Variants in AFF3 observed in about 807,000 individuals in gnomAD.
AFF3 encodes the protein ALF transcription elongation factor 3, also known as AF4/FMR2 family member 3.
A neutral mutation model predicts 129.7 loss-of-function variants in AFF3; 32 were observed. The ratio of observed to expected loss-of-function variants is 0.25; its 90% CI spans 0.19 to 0.33. AFF3 has a LOEUF of 0.33. Ranked by LOEUF, AFF3 falls within the 10% of genes least tolerant of loss-of-function variation. The pLI, the probability that AFF3 is intolerant of heterozygous loss-of-function variation, is 1.00. For synonymous variants in AFF3, 644 were observed against 635.4 expected (o/e 1.01, Z -0.20); for missense variants, 1,373 against 1,592.0 (o/e 0.86, Z 2.34).
intron 4 of AFF3, among the ~76,000 whole-genome samples, chr2:100,010,250 T>G (rs907500914): frequency 7.2e-5 from 11 of 152,220 alleles, no homozygotes; most frequent in African/African-American, 2.7e-4. Context: ...TCAAAGGAAC[T>G]TATAAAAATT....
rs372989993 is a variant in AFF3 at position 99,733,651 on chromosome 2, T to C, written c.1040-6523A>G. Among the ~76,000 whole-genome samples the C allele has an allele frequency of 3.3e-5, 5 of 152,176 alleles. No individual in the cohort carries two copies. In the South Asian group the frequency reaches 6.2e-4, roughly 19 times the overall value. On this transcript the variant is annotated intron_variant, in intron 10 of 24. Coordinates refer to ENST00000672756, the MANE Select transcript of AFF3 (RefSeq NM_001386135.1). ...TATATGGCGTGGGGTAGGAGTTAAG[T>C]TTCGTTTTTCTCCCTAGAAATAACC...
chr2:100,015,646 G>C (rs1682952121), intron 4 of AFF3, among the ~76,000 whole-genome samples: 2 of 152,292 alleles, frequency 1.3e-5, no homozygotes, highest in Middle Eastern at 6.8e-3. Context: ...AGTAAAGCAA[G>C]GTTGCTGAAG....
At chr2:99,749,396 GAACA>G (rs752422667) in intron 9 of AFF3, among the ~76,000 whole-genome samples, 2 of 152,126 alleles carry the variant, frequency 1.3e-5, no homozygotes, top group Non-Finnish European at 2.9e-5. Context: ...AAACAAAACA[GAACA>G]AACTGGTACA....
At chr2:100,139,428 A>C (rs1445777723) in intron 1 of AFF3, among the ~76,000 whole-genome samples, 1 of 152,192 alleles carries the variant, frequency 6.6e-6, no homozygotes, top group Non-Finnish European at 1.5e-5. Context: ...TTCCATAAAG[A>C]AAAATCTGTC....
intron 7 of AFF3, among the ~76,000 whole-genome samples, chr2:99,884,540 A>G (rs1406004375): frequency 6.6e-6 from 1 of 151,566 alleles, no homozygotes; most frequent in Admixed American, 6.6e-5. Flanking sequence ...CTGGGACTAC[A>G]GGCACATAAC....
rs1344694728 is a variant in AFF3, at chr2:100,018,028, G to GTATA, written c.54-9097_54-9096insTATA. Reference sequence around the variant, plus strand: ...TTGGTTGATATGTGTGTGTGTGTGTGTGTGTATATATATATATAGGCTAAT... The same window carrying GTATA: ...TTGGTTGATATGTGTGTGTGTGTGTGTATATGTGTATATATATATATAGGCTAAT... On this transcript the variant is annotated intron_variant, in intron 4 of 24. Transcript: ENST00000672756. 2.4e-3 allele frequency among the ~76,000 whole-genome samples: 293 copies of GTATA among 122,612 alleles called. 1 individual carries two copies. The highest frequency in any genetic ancestry group is 9.1e-3 in the African/African-American group (279 of 30,530). The allele number at this position is 122,612 out of a possible 152,430, so 80.4% of individuals were successfully genotyped here. A position where few individuals can be genotyped will look rare whatever the true frequency, so the allele number is the denominator to read the frequency against.
Position 100,017,344 on chromosome 2 carries a change from G to A in AFF3, c.54-8412C>T, listed in dbSNP as rs112473672. ...CTACCATGGACTCCTCAAAAATATC[G>A]GTCCCCTTTTACTTGTTTGTCTCTG... On this transcript the variant is annotated intron_variant, in intron 4 of 24. Transcript: ENST00000672756. Among the ~76,000 whole-genome samples the A allele has an allele frequency of 1.9e-3, 290 of 151,994 alleles. 1 individual carries two copies. Among genetic ancestry groups the A allele is most frequent in the South Asian group, 3.3e-3 (16 of 4,804 alleles).
At chr2:100,075,037 TACA>T (rs1688482676) in intron 4 of AFF3, among the ~76,000 whole-genome samples, 1 of 152,144 alleles carries the variant, frequency 6.6e-6, no homozygotes. Flanking sequence ...TGAGTATAAA[TACA>T]ACCACTCTAG....
intron 4 of AFF3, among the ~76,000 whole-genome samples, chr2:100,047,714 T>C (rs1685952785): frequency 6.6e-6 from 1 of 152,242 alleles, no homozygotes; most frequent in Non-Finnish European, 1.5e-5. Context: ...ACCATTAGTA[T>C]ACTGATGAAA....
intron 15 of AFF3, among the ~76,000 whole-genome samples, chr2:99,592,939 C>CCT (rs1553394578): frequency 1.1e-5 from 1 of 94,450 alleles, no homozygotes; most frequent in Non-Finnish European, 2.2e-5. Flanking sequence ...CCCTCCCCCC[C>CCT]CCCCAAAAAA....
At chr2:99,844,021 C>A (rs1689516830) in intron 7 of AFF3, among the ~76,000 whole-genome samples, 1 of 151,834 alleles carries the variant, frequency 6.6e-6, no homozygotes, top group Admixed American at 6.6e-5. Flanking sequence ...CACAGTGAGA[C>A]TCCATCTCAA....
At chr2:99,679,724 C>T (rs923118399) in intron 11 of AFF3, among the ~76,000 whole-genome samples, 6 of 152,208 alleles carry the variant, frequency 3.9e-5, no homozygotes, top group South Asian at 2.1e-4. Flanking sequence ...CCAGCATTAG[C>T]CTGAATTCTG....
chr2:99,798,296 A>G (rs1480496673), intron 8 of AFF3, among the ~76,000 whole-genome samples: 2 of 152,022 alleles, frequency 1.3e-5, no homozygotes, highest in Non-Finnish European at 2.9e-5. Context: ...AAACAAAAAA[A>G]TAACTCAATG....
At chr2:99,816,941 C>T (rs1460406430) in intron 8 of AFF3, among the ~76,000 whole-genome samples, 1 of 152,098 alleles carries the variant, frequency 6.6e-6, no homozygotes, top group African/African-American at 2.4e-5. Flanking sequence ...TAGATTAGGG[C>T]ATTTGTTTCT....
chr2:99,934,683 G>C (rs1365529919), intron 7 of AFF3, among the ~76,000 whole-genome samples: 1 of 152,186 alleles, frequency 6.6e-6, no homozygotes, highest in Non-Finnish European at 1.5e-5. Flanking sequence ...GAAGCCACTG[G>C]GAAGGGGCAC....
At chr2:100,018,384 CTG>C (rs1394204754) in intron 4 of AFF3, among the ~76,000 whole-genome samples, 1 of 152,134 alleles carries the variant, frequency 6.6e-6, no homozygotes, top group African/African-American at 2.4e-5. Flanking sequence ...GGAACGATGA[CTG>C]TTTCAAATCT....
intron 13 of AFF3, among the ~76,000 whole-genome samples, chr2:99,647,150 G>T (rs1319725827): frequency 6.6e-6 from 1 of 152,200 alleles, no homozygotes; most frequent in Non-Finnish European, 1.5e-5. Context: ...CCATTAATGG[G>T]TATATACCCA....
rs551810883 is a variant in AFF3 at position 99,998,064 on chromosome 2, G to C, written c.873+8568C>G. Among the ~76,000 whole-genome samples, 4 of 152,262 alleles carry C rather than the reference G, an allele frequency of 2.6e-5. No homozygotes were observed. The South Asian group carries it at 8.3e-4, about 32-fold the overall frequency. On this transcript the variant is annotated intron_variant, in intron 7 of 24. Coordinates refer to ENST00000672756, the MANE Select transcript of AFF3 (RefSeq NM_001386135.1). ...AAAATTCTAACAGGAATTTAGGTAG[G>C]CTATGGTGACACAGGAAGGCTCCTC...
intron 1 of AFF3, among the ~76,000 whole-genome samples, chr2:100,129,745 G>T (rs11680586): frequency 0.21 from 31,540 of 152,026 alleles, 4,028 homozygotes; most frequent in East Asian, 0.56. Context: ...AAATGAATTG[G>T]ATACAGCTTC....
Sources: allele counts gnomAD v4.1 joint callset (sites outside exome capture counted in the v4.1 genomes callset), GRCh38; gene constraint gnomAD v4.1.1; transcripts MANE v1.5; gene names NCBI Gene and HGNC (gene_info 2026-07-23, HGNC 2026-07-21).